FBXL7: variants seen among roughly 807,000 people sequenced by gnomAD.
FBXL7 encodes the protein F-box and leucine rich repeat protein 7.
In FBXL7, 12 loss-of-function variants were observed where a neutral mutation model predicts 38.3. That is an observed-to-expected ratio of 0.31 (90% CI 0.20 to 0.51). The LOEUF (loss-of-function observed/expected upper bound fraction) is 0.51. Ranked by LOEUF, FBXL7 falls within the 20% of genes least tolerant of loss-of-function variation. The probability of loss-of-function intolerance (pLI) is 0.98; values close to 1 mark genes in which losing one functional copy is unlikely to be tolerated. For synonymous variants in FBXL7, 297 were observed against 300.9 expected, an observed-to-expected ratio of 0.99 and a Z score of 0.13; for missense variants, 567 against 676.4, an observed-to-expected ratio of 0.84 and a Z score of 1.79.
chr5:15,794,838 G>C (rs775814587), intron 2 of FBXL7, among the ~76,000 whole-genome samples: 1 of 152,062 alleles, frequency 6.6e-6, no homozygotes, highest in African/African-American at 2.4e-5. Context: ...AGAGGGGAGA[G>C]GCGAAAAAAA....
intron 1 of FBXL7, among the ~76,000 whole-genome samples, chr5:15,581,350 G>A (rs564548047): frequency 7.9e-5 from 12 of 152,032 alleles, no homozygotes; most frequent in Non-Finnish European, 1.3e-4. Flanking sequence ...GATGCCCACC[G>A]CCCATCCTCC....
At chr5:15,658,113 G>A (rs1741938364) in intron 2 of FBXL7, among the ~76,000 whole-genome samples, 2 of 152,138 alleles carry the variant, frequency 1.3e-5, no homozygotes, top group South Asian at 2.1e-4. Flanking sequence ...GTGGGAATCA[G>A]CAATGGAATG....
At chr5:15,599,899 G>A (rs1739741531) in intron 1 of FBXL7, among the ~76,000 whole-genome samples, 2 of 152,152 alleles carry the variant, frequency 1.3e-5, no homozygotes, top group Admixed American at 1.3e-4. Context: ...GACAGGTGGG[G>A]AAGCATAGCC....
chr5:15,753,225 G>A (rs891755728), intron 2 of FBXL7, among the ~76,000 whole-genome samples: 3 of 151,966 alleles, frequency 2.0e-5, no homozygotes, highest in African/African-American at 4.8e-5. Flanking sequence ...TTCAATGAGC[G>A]CTTCAATTCT....
At chr5:15,531,588 G>A (rs563921792) in intron 1 of FBXL7, among the ~76,000 whole-genome samples, 21 of 152,260 alleles carry the variant, frequency 1.4e-4, no homozygotes, top group African/African-American at 4.8e-4. Context: ...GGCCATAAGA[G>A]GGCATGTTGA....
At chr5:15,542,061 C>T (rs915196944) in intron 1 of FBXL7, among the ~76,000 whole-genome samples, 9 of 151,744 alleles carry the variant, frequency 5.9e-5, no homozygotes, top group African/African-American at 2.2e-4. Flanking sequence ...CTATCAGTTC[C>T]TGGAGATCTT....
At chr5:15,802,904 C>T (rs113521612) in intron 2 of FBXL7, among the ~76,000 whole-genome samples, 4,005 of 152,290 alleles carry the variant, frequency 0.026, 143 homozygotes, top group East Asian at 0.075. Context: ...CCGCCTGCCT[C>T]AGCCTCCTGA....
intron 2 of FBXL7, among the ~76,000 whole-genome samples, chr5:15,796,711 T>C (rs76588445): frequency 0.03 from 4,606 of 152,012 alleles, 229 homozygotes; most frequent in African/African-American, 0.11. Flanking sequence ...CAGCAGGGAG[T>C]ATTTTCCCTC....
chr5:15,709,555 A>T (rs894035079), intron 2 of FBXL7, among the ~76,000 whole-genome samples: 2 of 151,770 alleles, frequency 1.3e-5, no homozygotes. Flanking sequence ...AAAAAAAAAA[A>T]AGCAAATCCT....
intron 2 of FBXL7, among the ~76,000 whole-genome samples, chr5:15,704,451 CT>C (rs1463768951): frequency 6.6e-6 from 1 of 152,070 alleles, no homozygotes; most frequent in African/African-American, 2.4e-5. Flanking sequence ...ATATTCTCTT[CT>C]ATGATTATTC....
At chr5:15,817,320 G>C (rs900345210) in intron 2 of FBXL7, among the ~76,000 whole-genome samples, 4 of 151,580 alleles carry the variant, frequency 2.6e-5, no homozygotes, top group Non-Finnish European at 5.9e-5. Context: ...TTTAAAAAAG[G>C]CAATGATATT....
At chr5:15,927,791 G>GAACA in intron 2 of FBXL7, 99 bp from the exon 3 acceptor site, 1 of 516,822 alleles carries the variant, frequency 1.9e-6, no homozygotes, top group Non-Finnish European at 2.7e-6. Flanking sequence ...AAAAAAAGAA[G>GAACA]AAGAAAGAAA....
intron 2 of FBXL7, among the ~76,000 whole-genome samples, chr5:15,677,108 A>G (rs991527423): frequency 1.3e-5 from 2 of 152,216 alleles, no homozygotes; most frequent in African/African-American, 4.8e-5. Flanking sequence ...AAAAATTTAT[A>G]TCTCACCAGT....
chr5:15,904,791 T>TA (rs2126416350), intron 2 of FBXL7, among the ~76,000 whole-genome samples: 1 of 152,276 alleles, frequency 6.6e-6, no homozygotes, highest in South Asian at 2.1e-4. Flanking sequence ...TTAAAAGTAC[T>TA]AATATCTGGC....
At chr5:15,878,405 C>T (rs1450430374) in intron 2 of FBXL7, among the ~76,000 whole-genome samples, 1 of 152,124 alleles carries the variant, frequency 6.6e-6, no homozygotes, top group Admixed American at 6.5e-5. Flanking sequence ...TGGCTTCTTT[C>T]CCCCCAAGTC....
Position 15,802,129 on chromosome 5 carries a change from C to T in FBXL7, c.128-125761C>T, listed in dbSNP as rs193141495. Among the ~76,000 whole-genome samples, 7 of 152,262 alleles carry T rather than the reference C, an allele frequency of 4.6e-5. No individual in the cohort carries two copies. The East Asian group carries it at 1.4e-3, about 29-fold the overall frequency. On this transcript the variant is annotated intron_variant, in intron 2 of 3. Coordinates refer to ENST00000504595, the MANE Select transcript of FBXL7 (RefSeq NM_012304.5). ...GCCCACTTGGCTCTACCTCCAAAAT[C>T]TATCTTGGATCTTAGTACTTCTCAC...
At chr5:15,604,438 T>A (rs1035865078) in intron 1 of FBXL7, among the ~76,000 whole-genome samples, 2 of 147,730 alleles carry the variant, frequency 1.4e-5, no homozygotes, top group Non-Finnish European at 3.0e-5. Flanking sequence ...CACTGCAACT[T>A]CTACCCCCCG....
chr5:15,902,686 A>G (rs1248550686), intron 2 of FBXL7, among the ~76,000 whole-genome samples: 1 of 152,226 alleles, frequency 6.6e-6, no homozygotes, highest in Non-Finnish European at 1.5e-5. Flanking sequence ...ATAGATTTCA[A>G]GTTGGCTTGG....
intron 2 of FBXL7, among the ~76,000 whole-genome samples, chr5:15,718,299 A>C (rs568386523): frequency 2.8e-4 from 42 of 152,290 alleles, no homozygotes; most frequent in African/African-American, 1.0e-3. Flanking sequence ...TTTCAAAATA[A>C]AAAGTTGAGG....
Sources: gnomAD v4.1 joint callset for allele counts (sites outside exome capture counted in the v4.1 genomes callset) on GRCh38, gnomAD v4.1.1 for gene constraint, MANE v1.5 for transcripts, NCBI Gene and HGNC (gene_info 2026-07-23, HGNC 2026-07-21) for gene names.